RIC1: variants seen among roughly 807,000 people sequenced by gnomAD.
RIC1 encodes the protein RIC1 partner of RAB6A GEF complex.
Under a neutral mutation model 169.0 loss-of-function variants are expected in RIC1, and 88 were observed. That is an observed-to-expected ratio of 0.52 (90% CI 0.44 to 0.62). The LOEUF is 0.62. RIC1 is among the 20% of genes least tolerant of loss of function. The probability of loss-of-function intolerance (pLI) is 0.00; values close to 1 mark genes in which losing one functional copy is unlikely to be tolerated. For missense variants in RIC1, 1,877 were observed against 1,725.5 expected (o/e 1.09, Z -1.56); for synonymous variants, 790 against 601.5 (o/e 1.31, Z -4.59).
chr9:5,655,253 A>T (rs931487684), intron 1 of RIC1, among the ~76,000 whole-genome samples: 5 of 152,090 alleles, frequency 3.3e-5, no homozygotes, highest in African/African-American at 1.2e-4. Context: ...AGGTTTTTTT[A>T]AAATCATGAA....
At chr9:5,704,311 A>G (rs1822423376) in intron 3 of RIC1, among the ~76,000 whole-genome samples, 1 of 151,988 alleles carries the variant, frequency 6.6e-6, no homozygotes, top group South Asian at 2.1e-4. Context: ...CTTGGGCTCA[A>G]GCAATCCTCT....
intron 1 of RIC1, among the ~76,000 whole-genome samples, chr9:5,641,742 T>C (rs1483546358): frequency 7.9e-6 from 1 of 126,820 alleles, no homozygotes; most frequent in Non-Finnish European, 1.6e-5. Flanking sequence ...GGTTGCATTT[T>C]TCAACTTTAG....
At chr9:5,729,059 G>GA (rs1300726187) in intron 6 of RIC1, among the ~76,000 whole-genome samples, 5 of 151,976 alleles carry the variant, frequency 3.3e-5, no homozygotes, top group African/African-American at 1.2e-4. Context: ...GTGTTCCTTG[G>GA]AAAAGAGTCC....
chr9:5,653,753 A>G (rs749827706), intron 1 of RIC1, among the ~76,000 whole-genome samples: 25 of 151,856 alleles, frequency 1.6e-4, no homozygotes, highest in Non-Finnish European at 2.8e-4. Flanking sequence ...GCACACCACT[A>G]CGCCCGGCTA....
chr9:5,693,598 T>G (rs1821713594), intron 3 of RIC1, among the ~76,000 whole-genome samples: 1 of 152,210 alleles, frequency 6.6e-6, no homozygotes, highest in Non-Finnish European at 1.5e-5. Flanking sequence ...GAAGGTTGTC[T>G]GGACATTTTA....
chr9:5,637,040 A>G (rs535985054), intron 1 of RIC1, among the ~76,000 whole-genome samples: 38 of 152,012 alleles, frequency 2.5e-4, no homozygotes, highest in African/African-American at 9.2e-4. Flanking sequence ...CACAGTAGGT[A>G]TATATTTATG....
downstream of RIC1, chr9:5,776,654 A>G (rs531318437): frequency 4.0e-4 from 61 of 152,148 alleles, no homozygotes; most frequent in African/African-American, 1.5e-3. Context: ...AATGAAATTC[A>G]GACAGATTTA....
downstream of RIC1, among the ~76,000 whole-genome samples, chr9:5,777,344 GGGGA>G (rs2131178001): frequency 1.3e-5 from 2 of 150,478 alleles, no homozygotes; most frequent in African/African-American, 4.9e-5. Context: ...AGCATTTGAA[GGGGA>G]GGATCTAATT....
chr9:5,644,138 T>C (rs1429967813), intron 1 of RIC1, among the ~76,000 whole-genome samples: 1 of 152,226 alleles, frequency 6.6e-6, no homozygotes, highest in Non-Finnish European at 1.5e-5. Context: ...TTAGTAAATT[T>C]ATAGTGTTGT....
chr9:5,719,116 C>A (rs10975258), intron 4 of RIC1: 52,017 of 151,864 alleles, frequency 0.34, 10,471 homozygotes, highest in East Asian at 0.77. Flanking sequence ...ATACTTTGAA[C>A]ACTCTTTCTT....
At chr9:5,702,378 A>G (rs1020224050) in intron 3 of RIC1, among the ~76,000 whole-genome samples, 1 of 152,212 alleles carries the variant, frequency 6.6e-6, no homozygotes, top group Non-Finnish European at 1.5e-5. Context: ...CAGGCTATAC[A>G]GGAAGAATGG....
Position 5,760,192 on chromosome 9 carries a change from C to T in RIC1, c.1993-2349C>T, listed in dbSNP as rs139495927. On this transcript the variant is annotated intron_variant, in intron 17 of 25. Transcript: ENST00000414202. Reference sequence around the variant, plus strand: ...GAGAGTGAGCTCCTTGTTACTGAAACTCTCATAGAGAATCATCTGCCAGGG... The same window carrying T: ...GAGAGTGAGCTCCTTGTTACTGAAATTCTCATAGAGAATCATCTGCCAGGG... Among the ~76,000 whole-genome samples, 372 of 152,310 alleles carry T rather than the reference C, an allele frequency of 2.4e-3. 2 individuals carry two copies. Among genetic ancestry groups the T allele is most frequent in the Non-Finnish European group, 4.1e-3 (280 of 68,016 alleles).
At chr9:5,772,790 T>G in intron 24 of RIC1, 49 bp downstream of exon 24, 1 of 1,569,536 alleles carries the variant, frequency 6.4e-7, no homozygotes, top group Non-Finnish European at 8.7e-7. Flanking sequence ...TCAGAGTATT[T>G]GGGCAAATAG....
At chr9:5,645,287 G>A (rs1420570568) in intron 1 of RIC1, among the ~76,000 whole-genome samples, 1 of 152,108 alleles carries the variant, frequency 6.6e-6, no homozygotes, top group Non-Finnish European at 1.5e-5. Flanking sequence ...CCCATCGTCA[G>A]GCTATCCTCC....
intron 3 of RIC1, among the ~76,000 whole-genome samples, chr9:5,697,649 G>C (rs559212887): frequency 1.3e-5 from 2 of 152,262 alleles, no homozygotes; most frequent in South Asian, 2.1e-4. Context: ...TGGAGTTTTA[G>C]GAAAAGAAAT....
chr9:5,674,640 T>G (rs1372409276), intron 2 of RIC1, among the ~76,000 whole-genome samples: 1 of 152,234 alleles, frequency 6.6e-6, no homozygotes, highest in South Asian at 2.1e-4. Flanking sequence ...TAGCTACTTA[T>G]GTTCACCATA....
rs1301845770 is a variant in RIC1, at chr9:5,641,877, C to G, written c.144+12424C>G. Reference sequence around the variant, plus strand: ...TCAACATAGCTATTTTGAATTCCTGCCTGAAAGGTCACATATCTATCTCTG... The same window carrying G: ...TCAACATAGCTATTTTGAATTCCTGGCTGAAAGGTCACATATCTATCTCTG... On this transcript the variant is annotated intron_variant, in intron 1 of 25. Transcript: ENST00000414202. Among the ~76,000 whole-genome samples, 2 of 144,282 alleles carry G rather than the reference C, an allele frequency of 1.4e-5. 1 individual carries two copies. Among genetic ancestry groups the G allele is most frequent in the Non-Finnish European group, 3.0e-5 (2 of 67,226 alleles). 94.7% of individuals were successfully genotyped at this position (144,282 alleles called of 152,430 possible).
intron 16 of RIC1, among the ~76,000 whole-genome samples, chr9:5,756,692 G>C (rs566810684): frequency 3.3e-5 from 5 of 151,952 alleles, no homozygotes; most frequent in Admixed American, 2.0e-4. Flanking sequence ...TGGTGCTCTC[G>C]ATACTTGGTG....
chr9:5,757,802 A>AT (rs1053369836), intron 17 of RIC1, among the ~76,000 whole-genome samples: 1 of 152,172 alleles, frequency 6.6e-6, no homozygotes, highest in Non-Finnish European at 1.5e-5. Flanking sequence ...GAGGGGATGG[A>AT]TTTTCAGGTG....
Sources: gnomAD v4.1 joint callset for allele counts (sites outside exome capture counted in the v4.1 genomes callset) on GRCh38, gnomAD v4.1.1 for gene constraint, MANE v1.5 for transcripts, NCBI Gene and HGNC (gene_info 2026-07-23, HGNC 2026-07-21) for gene names.